Variants in ZNG1E observed in about 807,000 individuals in gnomAD.
ZNG1E encodes the protein Zn regulated GTPase metalloprotein activator 1E.
the ZNG1E span, among the ~76,000 whole-genome samples, chr9:65,694,063 A>G: frequency 6.7e-6 from 1 of 150,342 alleles, no homozygotes; most frequent in African/African-American, 2.4e-5. Flanking sequence ...GAATTTATGA[A>G]TATAATTTAA....
chr9:65,715,370 C>G, the ZNG1E span, among the ~76,000 whole-genome samples: 1 of 150,948 alleles, frequency 6.6e-6, no homozygotes, highest in African/African-American at 2.5e-5. Context: ...GCGTCTCTCA[C>G]GCTGGGAGCT....
the ZNG1E span, among the ~76,000 whole-genome samples, chr9:65,655,500 G>A: frequency 6.6e-6 from 1 of 152,302 alleles, no homozygotes; most frequent in Admixed American, 6.5e-5. Flanking sequence ...TTGCTCTGTT[G>A]CCCAGGCTGG....
the ZNG1E span, among the ~76,000 whole-genome samples, chr9:65,658,580 GAA>G: frequency 2.9e-3 from 395 of 135,766 alleles, no homozygotes; most frequent in African/African-American, 9.1e-3. Context: ...CTACTTGAGT[GAA>G]AAAAAAAAAA....
At chr9:65,704,755 C>G in the ZNG1E span, 1 of 90,276 alleles carries the variant, frequency 1.1e-5, no homozygotes, top group African/African-American at 5.7e-5. Context: ...ACTAAAAATA[C>G]AAAAAATTAG....
chr9:65,686,785 CTTCT>C, the ZNG1E span, among the ~76,000 whole-genome samples: 1 of 152,202 alleles, frequency 6.6e-6, no homozygotes, highest in African/African-American at 2.4e-5. Flanking sequence ...ATGGAGATGG[CTTCT>C]TTCTTTAAAT....
the ZNG1E span, among the ~76,000 whole-genome samples, chr9:65,667,026 G>A: frequency 2.2e-4 from 33 of 150,884 alleles, no homozygotes; most frequent in Middle Eastern, 3.4e-3. Context: ...TCACCATGTC[G>A]GTCAGGCTGT....
At chr9:65,676,967 G>A in the ZNG1E span, among the ~76,000 whole-genome samples, 1 of 139,754 alleles carries the variant, frequency 7.2e-6, no homozygotes, top group African/African-American at 2.9e-5. Flanking sequence ...CTAGTTGTGT[G>A]CTAGAGACAG....
At chr9:65,681,030 C>T in the ZNG1E span, among the ~76,000 whole-genome samples, 18 of 152,124 alleles carry the variant, frequency 1.2e-4, no homozygotes, top group South Asian at 4.2e-4. Flanking sequence ...CCTCGTGATC[C>T]GCCCGCCTTG....
At chr9:65,691,650 TTAGAG>T in the ZNG1E span, among the ~76,000 whole-genome samples, 5 of 152,252 alleles carry the variant, frequency 3.3e-5, no homozygotes, top group Admixed American at 3.3e-4. Context: ...TAATGTAATG[TTAGAG>T]CCTTTTATTT....
the ZNG1E span, chr9:65,681,918 T>C: frequency 1.7e-6 from 1 of 591,030 alleles, no homozygotes; most frequent in African/African-American, 1.9e-5. Flanking sequence ...TTATTTAATC[T>C]CTAGTGCATG....
At chr9:65,691,272 G>A in the ZNG1E span, among the ~76,000 whole-genome samples, 17 of 149,816 alleles carry the variant, frequency 1.1e-4, no homozygotes, top group Non-Finnish European at 2.4e-4. Context: ...TAGTAGAGAC[G>A]GGGTTTCGCC....
At chr9:65,707,089 A>C in the ZNG1E span, 1 of 92,234 alleles carries the variant, frequency 1.1e-5, no homozygotes, top group Non-Finnish European at 2.2e-5. Context: ...CGGCTCACTG[A>C]AACCACTGCC....
the ZNG1E span, among the ~76,000 whole-genome samples, chr9:65,660,966 G>A: frequency 6.9e-6 from 1 of 145,444 alleles, no homozygotes; most frequent in African/African-American, 2.6e-5. Context: ...ATAGGGAATA[G>A]GTGGGGCCTT....
chr9:65,677,084 G>T, the ZNG1E span: 6 of 1,511,430 alleles, frequency 4.0e-6, no homozygotes, highest in Non-Finnish European at 5.3e-6. Flanking sequence ...TTTTTGCTCG[G>T]AAGTAATTTT....
the ZNG1E span, among the ~76,000 whole-genome samples, chr9:65,685,420 C>T: frequency 6.6e-6 from 1 of 152,120 alleles, no homozygotes; most frequent in African/African-American, 2.4e-5. Flanking sequence ...GGAGTCAGTC[C>T]TCTCAAACCC....
the ZNG1E span, among the ~76,000 whole-genome samples, chr9:65,659,132 T>C: frequency 6.6e-6 from 1 of 152,222 alleles, no homozygotes; most frequent in South Asian, 2.1e-4. Context: ...GAGTCAATAA[T>C]TAAACTGGTT....
chr9:65,660,284 C>A, the ZNG1E span, among the ~76,000 whole-genome samples: 1 of 112,976 alleles, frequency 8.9e-6, no homozygotes. Context: ...TTTTTAAGAG[C>A]TTGGGAATGA....
chr9:65,684,072 A>T, the ZNG1E span, among the ~76,000 whole-genome samples: 2 of 152,238 alleles, frequency 1.3e-5, no homozygotes, highest in Non-Finnish European at 2.9e-5. Flanking sequence ...TCACAGAGAA[A>T]GCTTTTATAC....
At chr9:65,709,687 C>T in the ZNG1E span, among the ~76,000 whole-genome samples, 1 of 138,064 alleles carries the variant, frequency 7.2e-6, no homozygotes, top group East Asian at 2.1e-4. Context: ...TGAACTCATC[C>T]TTTTTTATGG....
Sources: gnomAD v4.1 joint callset for allele counts (sites outside exome capture counted in the v4.1 genomes callset) on GRCh38, gnomAD v4.1.1 for gene constraint, MANE v1.5 for transcripts, NCBI Gene and HGNC (gene_info 2026-07-23, HGNC 2026-07-21) for gene names.